EPB41L5: variants seen among roughly 807,000 people sequenced by gnomAD.
EPB41L5 encodes band 4.1-like protein 5.
A neutral mutation model predicts 106.6 loss-of-function variants in EPB41L5; 55 were observed. That is an observed-to-expected ratio of 0.52 (90% CI 0.42 to 0.65). EPB41L5 has a LOEUF of 0.65. Among genes scored for constraint, EPB41L5 ranks in the 30% least tolerant of loss-of-function variants. EPB41L5 has a pLI of 0.00. For synonymous variants in EPB41L5, 297 were observed against 306.7 expected, an observed-to-expected ratio of 0.97 and a Z score of 0.33; for missense variants, 871 against 882.1, an observed-to-expected ratio of 0.99 and a Z score of 0.16.
At chr2:120,160,332 C>A (rs1687088163) in intron 20 of EPB41L5, among the ~76,000 whole-genome samples, 1 of 152,062 alleles carries the variant, frequency 6.6e-6, no homozygotes, top group African/African-American at 2.4e-5. Flanking sequence ...CCACAGCTTC[C>A]TTTAACTTTT....
At chr2:120,061,216 A>ATT (rs982879680) in intron 3 of EPB41L5, among the ~76,000 whole-genome samples, 274 of 99,178 alleles carry the variant, frequency 2.8e-3, no homozygotes, top group Non-Finnish European at 4.9e-3. Flanking sequence ...AATTTTTTGT[A>ATT]TTTTTTTTTT....
chr2:120,161,317 G>GCAGTGAACTGAGATCA (rs2105538216), intron 21 of EPB41L5, among the ~76,000 whole-genome samples: 1 of 151,200 alleles, frequency 6.6e-6, no homozygotes, highest in African/African-American at 2.4e-5. Flanking sequence ...GGTGGAGATT[G>GCAGTGAACTGAGATCA]CAGTGAACTG....
intron 16 of EPB41L5, among the ~76,000 whole-genome samples, chr2:120,111,347 T>C (rs770169845): frequency 9.9e-5 from 15 of 152,212 alleles, no homozygotes; most frequent in Non-Finnish European, 1.9e-4. Flanking sequence ...GTTTTTCCCA[T>C]CTTTGTGGTT....
chr2:120,036,323 T>G (rs964583282), intron 2 of EPB41L5, among the ~76,000 whole-genome samples: 1 of 152,216 alleles, frequency 6.6e-6, no homozygotes, highest in East Asian at 1.9e-4. Context: ...GTTTGTATAA[T>G]GGAAAGTGAT....
intron 14 of EPB41L5, 112 bp downstream of exon 14, chr2:120,093,388 C>T (rs1401511500): frequency 3.0e-5 from 26 of 853,688 alleles, no homozygotes; most frequent in Admixed American, 1.8e-4. Context: ...CCGTAAAGCA[C>T]CAGGGATATG....
chr2:120,068,606 C>T (rs1203271599), intron 3 of EPB41L5, among the ~76,000 whole-genome samples: 1 of 152,146 alleles, frequency 6.6e-6, no homozygotes, highest in Admixed American at 6.5e-5. Flanking sequence ...TCGGACTGGG[C>T]AGAGCCCATG....
chr2:120,068,985 G>A (rs1371946318), intron 3 of EPB41L5, among the ~76,000 whole-genome samples: 5 of 151,640 alleles, frequency 3.3e-5, no homozygotes, highest in Non-Finnish European at 5.9e-5. Flanking sequence ...AAAATTAGCC[G>A]GGTGAGGTTG....
intron 24 of EPB41L5, among the ~76,000 whole-genome samples, chr2:120,174,068 C>T (rs183430089): frequency 1.3e-4 from 20 of 152,298 alleles, no homozygotes; most frequent in African/African-American, 4.8e-4. Flanking sequence ...ATTCACGAGC[C>T]CTCATGCAGA....
intron 18 of EPB41L5, among the ~76,000 whole-genome samples, chr2:120,137,808 A>C (rs1024413534): frequency 6.6e-6 from 1 of 152,130 alleles, no homozygotes; most frequent in Non-Finnish European, 1.5e-5. Context: ...TACTCAAACT[A>C]TTCCAAAAAA....
Position 120,177,363 on chromosome 2 carries a change from T to G in EPB41L5, c.*2456T>G, listed in dbSNP as rs1254986619. On this transcript the variant is annotated 3_prime_UTR_variant, in exon 25 of 25. Coordinates refer to ENST00000263713, the MANE Select transcript of EPB41L5 (RefSeq NM_020909.4). ...TTGGAGAAGGGGCAGCCGGGGGCACTGCTGAGGGTTTGCCGTGCACGCCTC... is the reference window on the plus strand; with the variant it reads ...TTGGAGAAGGGGCAGCCGGGGGCACGGCTGAGGGTTTGCCGTGCACGCCTC... The G allele has an allele frequency of 6.6e-6, 1 of 152,432 alleles. No individual in the cohort carries two copies. The highest frequency in any genetic ancestry group is 2.4e-5 in the African/African-American group (1 of 41,330). 9.4% of individuals were successfully genotyped at this position (152,432 alleles called of 1,614,324 possible). A position where few individuals can be genotyped will look rare whatever the true frequency, so the allele number is the denominator to read the frequency against.
intron 3 of EPB41L5, among the ~76,000 whole-genome samples, chr2:120,064,116 A>T (rs1681282282): frequency 6.6e-6 from 1 of 152,208 alleles, no homozygotes; most frequent in Non-Finnish European, 1.5e-5. Context: ...TGGAATCTAG[A>T]TCAAATTGAA....
At position 120,091,675 on chromosome 2, in the gene EPB41L5, C is replaced by G. The variant is rs764660975; in HGVS notation, c.1150+14C>G. 6.3e-7 allele frequency: 1 copy of G among 1,577,846 alleles called. No individual in the cohort carries two copies. The highest frequency in any genetic ancestry group is 1.1e-5 in the South Asian group (1 of 89,292). ...TACAAATGAAAGGTGAAGTGCAACC[C>G]TCTTTCAAAGGATTATTTTTCCTTG... On this transcript the variant is annotated intron_variant, in intron 13 of 24. Coordinates refer to ENST00000263713, the MANE Select transcript of EPB41L5 (RefSeq NM_020909.4).
Position 120,075,728 on chromosome 2 carries a change from G to A in EPB41L5, c.480G>A (p.Val160=), listed in dbSNP as rs889571234. The A allele has an allele frequency of 5.0e-6, 8 of 1,613,500 alleles. No individual in the cohort carries two copies. The Admixed American group carries it at 1.0e-4, about 20-fold the overall frequency. The change falls in exon 7 of 25, where the codon GTG becomes GTA. Residue 160 remains valine (V), a synonymous_variant. Coordinates refer to ENST00000263713, the MANE Select transcript of EPB41L5 (RefSeq NM_020909.4). ...GKLDCPFDTA[V]QLAAYNLQAE... ...TAGACTGTCCCTTTGATACAGCAGT[G>A]CAATTGGCAGCTTATAATCTGCAAG... is the stretch of plus-strand genomic sequence containing the variant.
chr2:120,124,638 A>G (rs1424610726), intron 16 of EPB41L5, among the ~76,000 whole-genome samples: 1 of 152,212 alleles, frequency 6.6e-6, no homozygotes, highest in Non-Finnish European at 1.5e-5. Context: ...GTTACCTAAT[A>G]TACAGTACCT....
intron 3 of EPB41L5, among the ~76,000 whole-genome samples, chr2:120,052,024 A>G (rs542112914): frequency 1.2e-4 from 19 of 152,108 alleles, no homozygotes; most frequent in Non-Finnish European, 1.5e-5. Flanking sequence ...ACAGGGTTTC[A>G]CCACATTGGC....
chr2:120,092,971 T>C (rs1403658748), intron 13 of EPB41L5, among the ~76,000 whole-genome samples: 1 of 152,234 alleles, frequency 6.6e-6, no homozygotes, highest in Non-Finnish European at 1.5e-5. Context: ...CCAAATGTGG[T>C]GGCTCACACC....
intron 3 of EPB41L5, among the ~76,000 whole-genome samples, chr2:120,072,281 A>G (rs905978369): frequency 2.0e-4 from 30 of 152,342 alleles, no homozygotes; most frequent in Middle Eastern, 3.4e-3. Context: ...AAGTCAGGAA[A>G]CAACAGGTGC....
chr2:120,032,561 T>A (rs1678786368), intron 2 of EPB41L5, among the ~76,000 whole-genome samples: 1 of 152,172 alleles, frequency 6.6e-6, no homozygotes, highest in South Asian at 2.1e-4. Flanking sequence ...TTTAGGCAGA[T>A]CACAGTCCAT....
intron 18 of EPB41L5, among the ~76,000 whole-genome samples, chr2:120,140,453 G>C (rs1197508856): frequency 6.6e-6 from 1 of 151,810 alleles, no homozygotes; most frequent in African/African-American, 2.4e-5. Flanking sequence ...AAATAGAAAA[G>C]ATTTTTTAAG....
Sources: allele counts gnomAD v4.1 joint callset (sites outside exome capture counted in the v4.1 genomes callset), GRCh38; gene constraint gnomAD v4.1.1; transcripts MANE v1.5; gene names NCBI Gene and HGNC (gene_info 2026-07-23, HGNC 2026-07-21).